PDGFC: variants seen among roughly 807,000 people sequenced by gnomAD.
PDGFC encodes the protein platelet-derived growth factor C.
In PDGFC, 12 loss-of-function variants were observed where a neutral mutation model predicts 35.5. The ratio of observed to expected loss-of-function variants is 0.34; its 90% confidence interval spans 0.22 to 0.55. PDGFC has a LOEUF of 0.55. Among genes scored for constraint, PDGFC ranks in the 20% least tolerant of loss-of-function variants. The pLI, the probability that PDGFC is intolerant of heterozygous loss-of-function variation, is 0.91. For missense variants in PDGFC, 322 were observed against 412.4 expected, an observed-to-expected ratio of 0.78 and a Z score of 1.90; for synonymous variants, 159 against 148.8, an observed-to-expected ratio of 1.07 and a Z score of -0.50.
chr4:156,896,203 T>C (rs181188969), intron 1 of PDGFC, among the ~76,000 whole-genome samples: 4 of 152,270 alleles, frequency 2.6e-5, no homozygotes, highest in Admixed American at 1.3e-4. Flanking sequence ...TAATTCAAAA[T>C]AAATTAATAA....
At chr4:156,831,569 G>A (rs1364622695) in intron 2 of PDGFC, among the ~76,000 whole-genome samples, 1 of 148,558 alleles carries the variant, frequency 6.7e-6, no homozygotes, top group African/African-American at 2.5e-5. Context: ...TCAGCCTCCT[G>A]AATAGCTGGG....
At chr4:156,955,326 T>C (rs963655442) in intron 1 of PDGFC, among the ~76,000 whole-genome samples, 1 of 152,012 alleles carries the variant, frequency 6.6e-6, no homozygotes, top group East Asian at 1.9e-4. Flanking sequence ...CTGAAGTACC[T>C]TTATTTTGGA....
At chr4:156,825,608 G>GGAGAAGGAGA (rs1732441229) in intron 2 of PDGFC, among the ~76,000 whole-genome samples, 2 of 124,900 alleles carry the variant, frequency 1.6e-5, no homozygotes, top group African/African-American at 6.2e-5. Context: ...AGAAGAAGAA[G>GGAGAAGGAGA]AAGAAGAAGA....
chr4:156,781,803 G>A (rs1730986975), intron 3 of PDGFC, among the ~76,000 whole-genome samples: 1 of 151,974 alleles, frequency 6.6e-6, no homozygotes, highest in African/African-American at 2.4e-5. Flanking sequence ...ACCTACCTAG[G>A]AAAACTGGTA....
chr4:156,804,191 A>T, intron 3 of PDGFC, among the ~76,000 whole-genome samples: 1 of 151,954 alleles, frequency 6.6e-6, no homozygotes, highest in Non-Finnish European at 1.5e-5. Flanking sequence ...TCTTGAAATA[A>T]AAGTAATTGT....
At chr4:156,906,739 T>G (rs1730924252) in intron 1 of PDGFC, among the ~76,000 whole-genome samples, 2 of 152,214 alleles carry the variant, frequency 1.3e-5, no homozygotes, top group Admixed American at 1.3e-4. Context: ...CAGACTTAGG[T>G]TTCTGGCTAC....
chr4:156,773,172 G>T (rs1730734287), intron 3 of PDGFC, among the ~76,000 whole-genome samples: 1 of 152,074 alleles, frequency 6.6e-6, no homozygotes, highest in South Asian at 2.1e-4. Flanking sequence ...TATCTTCATG[G>T]TTCAATTACA....
chr4:156,950,697 G>A (rs989511398), intron 1 of PDGFC, among the ~76,000 whole-genome samples: 3 of 151,244 alleles, frequency 2.0e-5, no homozygotes, highest in African/African-American at 7.3e-5. Context: ...AGTTCAATAA[G>A]CAATTTGAAA....
chr4:156,836,507 T>A (rs2111039997), intron 2 of PDGFC, among the ~76,000 whole-genome samples: 1 of 152,326 alleles, frequency 6.6e-6, no homozygotes, highest in African/African-American at 2.4e-5. Flanking sequence ...TTTCCAAAAG[T>A]TTTGGTTAAT....
intron 3 of PDGFC, among the ~76,000 whole-genome samples, chr4:156,804,482 AT>A (rs1731703411): frequency 1.3e-5 from 2 of 151,896 alleles, no homozygotes; most frequent in Middle Eastern, 3.4e-3. Flanking sequence ...TTGCTTATTG[AT>A]TTTTTTCTTT....
intron 2 of PDGFC, among the ~76,000 whole-genome samples, chr4:156,849,155 A>G (rs965874373): frequency 2.0e-5 from 3 of 152,070 alleles, no homozygotes; most frequent in Admixed American, 2.0e-4. Context: ...TTTAGGTACC[A>G]AATCTGAACG....
chr4:156,792,485 C>G (rs1369869602), intron 3 of PDGFC, among the ~76,000 whole-genome samples: 2 of 152,116 alleles, frequency 1.3e-5, no homozygotes, highest in Non-Finnish European at 2.9e-5. Context: ...AGCAGGGAAA[C>G]AGGTGTGCAT....
At chr4:156,821,691 G>T (rs6842384) in intron 2 of PDGFC, among the ~76,000 whole-genome samples, 1 of 152,072 alleles carries the variant, frequency 6.6e-6, no homozygotes, top group African/African-American at 2.4e-5. Flanking sequence ...GGGATTACAG[G>T]TGTGCACCAC....
chr4:156,797,696 G>C (rs2113990), intron 3 of PDGFC, among the ~76,000 whole-genome samples: 58,465 of 152,088 alleles, frequency 0.38, 14,663 homozygotes, highest in African/African-American at 0.71. Context: ...AGACGGCATT[G>C]AAAGCCGTCC....
In PDGFC at chr4:156,899,676, T is replaced by G. The variant is rs529826686; in HGVS notation, c.119-49260A>C. On this transcript the variant is annotated intron_variant, in intron 1 of 5. Coordinates refer to ENST00000502773, the MANE Select transcript of PDGFC (RefSeq NM_016205.3). ...CTAAAAACACAAAAGTTAGCGGAGGTTGGTGGCACACACCTGTAATCCCAG... is the reference window on the plus strand; with the variant it reads ...CTAAAAACACAAAAGTTAGCGGAGGGTGGTGGCACACACCTGTAATCCCAG... Among the ~76,000 whole-genome samples the G allele has an allele frequency of 3.5e-3, 529 of 151,860 alleles. 3 individuals carry two copies. Among genetic ancestry groups the G allele is most frequent in the African/African-American group, 0.012 (499 of 41,400 alleles).
chr4:156,884,109 G>A (rs1188499157), intron 1 of PDGFC, among the ~76,000 whole-genome samples: 3 of 152,190 alleles, frequency 2.0e-5, no homozygotes, highest in Non-Finnish European at 4.4e-5. Flanking sequence ...CTCCAAGAAG[G>A]AAAGCTAAAC....
intron 3 of PDGFC, among the ~76,000 whole-genome samples, chr4:156,804,917 A>G (rs770773594): frequency 6.6e-6 from 1 of 152,048 alleles, no homozygotes; most frequent in Non-Finnish European, 1.5e-5. Context: ...GATTTTATTT[A>G]CAACACTCTT....
At chr4:156,857,101 A>C (rs1375572970) in intron 1 of PDGFC, among the ~76,000 whole-genome samples, 18 of 151,474 alleles carry the variant, frequency 1.2e-4, no homozygotes, top group Non-Finnish European at 2.4e-4. Context: ...GATAAACTGG[A>C]GATAATCACA....
chr4:156,839,404 G>A (rs1303887114), intron 2 of PDGFC, among the ~76,000 whole-genome samples: 1 of 152,140 alleles, frequency 6.6e-6, no homozygotes, highest in African/African-American at 2.4e-5. Context: ...TGTGAAGAAG[G>A]ATGTGTTTGC....
Sources: allele counts gnomAD v4.1 joint callset (sites outside exome capture counted in the v4.1 genomes callset), GRCh38; gene constraint gnomAD v4.1.1; transcripts MANE v1.5; gene names NCBI Gene and HGNC (gene_info 2026-07-23, HGNC 2026-07-21).